The following ROBO2 variants were observed in gnomAD, a reference collection of about 807,000 sequenced individuals.
The protein encoded by ROBO2 is roundabout guidance receptor 2.
Under a neutral mutation model 160.8 loss-of-function variants are expected in ROBO2, and 53 were observed. That is an observed-to-expected ratio of 0.33 (90% confidence interval 0.26 to 0.41). ROBO2 has a LOEUF of 0.41. Among genes scored for constraint, ROBO2 ranks in the 10% least tolerant of loss-of-function variants. The pLI is 1.00. For missense variants in ROBO2, 1,577 were observed against 1,722.4 expected (o/e 0.92, Z 1.49); for synonymous variants, 664 against 611.7 (o/e 1.09, Z -1.26).
Position 76,910,725 on chromosome 3 carries a change from C to CAA in ROBO2, c.110-187271_110-187270dup, listed in dbSNP as rs10662303. On this transcript the variant is annotated intron_variant, in intron 2 of 26. Transcript: ENST00000487694. ...TGGGCCACAGAGTGAAACTCTGTCT[C>CAA]AAAAAAAAAAAAAAAAAAAGAAAAA... 3.9e-3 allele frequency among the ~76,000 whole-genome samples: 140 copies of CAA among 35,460 alleles called. 11 individuals are homozygous for CAA. Among genetic ancestry groups the CAA allele is most frequent in the African/African-American group, 0.014 (103 of 7,598 alleles). 23.3% of individuals were successfully genotyped at this position (35,460 alleles called of 152,430 possible). A position where few individuals can be genotyped will look rare whatever the true frequency, so the allele number is the denominator to read the frequency against.
chr3:77,525,653 G>A (rs2091067817), intron 6 of ROBO2, among the ~76,000 whole-genome samples: 2 of 150,958 alleles, frequency 1.3e-5, no homozygotes. Flanking sequence ...AATTTGCTTT[G>A]CATAAAGATC....
At chr3:76,437,145 C>G (rs1443592678) in intron 2 of ROBO2, among the ~76,000 whole-genome samples, 1 of 152,010 alleles carries the variant, frequency 6.6e-6, no homozygotes, top group Non-Finnish European at 1.5e-5. Flanking sequence ...CAGTAGTATA[C>G]TGAAGCTTTT....
At chr3:76,065,398 CA>C (rs1342121013) in intron 2 of ROBO2, among the ~76,000 whole-genome samples, 1 of 151,928 alleles carries the variant, frequency 6.6e-6, no homozygotes, top group Non-Finnish European at 1.5e-5. Flanking sequence ...GTATATGATT[CA>C]AAAATCATTT....
intron 2 of ROBO2, among the ~76,000 whole-genome samples, chr3:76,387,234 A>G (rs1184293382): frequency 6.6e-6 from 1 of 152,112 alleles, no homozygotes; most frequent in Non-Finnish European, 1.5e-5. Context: ...CCACCTCCCA[A>G]TCCTGTTGGG....
chr3:76,532,814 C>T (rs775124890), intron 2 of ROBO2, among the ~76,000 whole-genome samples: 144 of 152,190 alleles, frequency 9.5e-4, no homozygotes, highest in Non-Finnish European at 1.9e-3. Flanking sequence ...TGTTCTCATG[C>T]TACCCCATGA....
intron 2 of ROBO2, among the ~76,000 whole-genome samples, chr3:76,383,519 A>G (rs565034791): frequency 7.2e-5 from 11 of 152,290 alleles, no homozygotes; most frequent in South Asian, 6.2e-4. Context: ...AAAACTTTTT[A>G]TATGTTTTTC....
intron 2 of ROBO2, among the ~76,000 whole-genome samples, chr3:77,385,193 C>T (rs2073972799): frequency 6.6e-6 from 1 of 152,042 alleles, no homozygotes; most frequent in Non-Finnish European, 1.5e-5. Flanking sequence ...CCACACCTGG[C>T]TAATTGTTTA....
intron 2 of ROBO2, among the ~76,000 whole-genome samples, chr3:75,942,178 A>G (rs1258881429): frequency 1.3e-5 from 2 of 152,174 alleles, no homozygotes; most frequent in Admixed American, 1.3e-4. Context: ...CATGTGATCT[A>G]TGAGTTTTAA....
chr3:76,083,157 A>C (rs114397214), intron 2 of ROBO2, among the ~76,000 whole-genome samples: 4 of 152,100 alleles, frequency 2.6e-5, no homozygotes, highest in African/African-American at 9.7e-5. Context: ...TCAGTTCTCT[A>C]TCAGTCAAAA....
chr3:77,144,257 G>C (rs1402016449), intron 2 of ROBO2, among the ~76,000 whole-genome samples: 1 of 152,050 alleles, frequency 6.6e-6, no homozygotes, highest in Non-Finnish European at 1.5e-5. Flanking sequence ...CCTTTATCAA[G>C]GCTTACTCTC....
intron 2 of ROBO2, among the ~76,000 whole-genome samples, chr3:77,368,928 C>T: frequency 6.6e-6 from 1 of 152,134 alleles, no homozygotes. Flanking sequence ...AGTCACCTTA[C>T]TTGAGTTAAT....
chr3:76,789,925 C>T (rs978245546), intron 2 of ROBO2, among the ~76,000 whole-genome samples: 3 of 151,664 alleles, frequency 2.0e-5, no homozygotes, highest in Non-Finnish European at 4.4e-5. Context: ...ATTTGTAGAG[C>T]ACAGTCTATT....
At chr3:76,376,461 A>G (rs2076349984) in intron 2 of ROBO2, among the ~76,000 whole-genome samples, 1 of 152,106 alleles carries the variant, frequency 6.6e-6, no homozygotes, top group African/African-American at 2.4e-5. Context: ...ATCCCCATGT[A>G]TGCTTTTAAT....
intron 2 of ROBO2, among the ~76,000 whole-genome samples, chr3:77,289,456 T>C (rs545559139): frequency 3.3e-5 from 5 of 151,628 alleles, no homozygotes; most frequent in African/African-American, 9.7e-5. Flanking sequence ...AAATTGATGG[T>C]TAAATGGGAA....
intron 2 of ROBO2, among the ~76,000 whole-genome samples, chr3:77,396,364 G>A (rs965224370): frequency 3.9e-5 from 6 of 151,928 alleles, no homozygotes; most frequent in African/African-American, 1.5e-4. Flanking sequence ...GTTTCTCTTT[G>A]AAATAATCAA....
At chr3:76,624,450 C>A (rs34251558) in intron 2 of ROBO2, among the ~76,000 whole-genome samples, 33,971 of 151,830 alleles carry the variant, frequency 0.22, 4,108 homozygotes, top group African/African-American at 0.31. Flanking sequence ...GAAATTTCCC[C>A]CCAAGAAATG....
At chr3:76,586,104 C>T (rs1208751730) in intron 2 of ROBO2, among the ~76,000 whole-genome samples, 1 of 152,174 alleles carries the variant, frequency 6.6e-6, no homozygotes, top group Non-Finnish European at 1.5e-5. Context: ...TCTTTACACA[C>T]AACACCAGTA....
Position 76,434,252 on chromosome 3 carries a change from G to T in ROBO2, c.109+496650G>T, listed in dbSNP as rs878948197. 7.0e-6 allele frequency: 7 copies of T among 1,003,962 alleles called. No individual in the cohort carries two copies. In the East Asian group the frequency reaches 1.4e-4, roughly 20 times the overall value. 62.2% of individuals were successfully genotyped at this position (1,003,962 alleles called of 1,614,324 possible). ...ACACAGGTTTGACGTTGGAGCGAGC[G>T]CTGTTGGTTACAGATTCTCAGTGTC... On this transcript the variant is annotated intron_variant, in intron 2 of 26. Coordinates refer to the ROBO2 transcript ENST00000487694.
intron 2 of ROBO2, among the ~76,000 whole-genome samples, chr3:77,337,408 C>A (rs1390393468): frequency 6.6e-6 from 1 of 151,790 alleles, no homozygotes; most frequent in African/African-American, 2.4e-5. Context: ...ATGGTTATGA[C>A]CAAAAAAGAA....
Sources: gnomAD v4.1 joint callset for allele counts (sites outside exome capture counted in the v4.1 genomes callset) on GRCh38, gnomAD v4.1.1 for gene constraint, MANE v1.5 for transcripts, NCBI Gene and HGNC (gene_info 2026-07-23, HGNC 2026-07-21) for gene names.